The following PTPRD variants were observed in gnomAD, a reference collection of about 807,000 sequenced individuals.
PTPRD encodes receptor-type tyrosine-protein phosphatase delta.
In PTPRD, 34 loss-of-function variants were observed where a neutral mutation model predicts 214.5. That is an observed-to-expected ratio of 0.16 (90% CI 0.12 to 0.21). The LOEUF is 0.21. Among genes scored for constraint, PTPRD ranks in the 10% least tolerant of loss-of-function variants. The probability of loss-of-function intolerance (pLI) is 1.00; values close to 1 mark genes in which losing one functional copy is unlikely to be tolerated. For missense variants in PTPRD, 2,545 were observed against 2,398.7 expected (o/e 1.06, Z -1.27); for synonymous variants, 1,128 against 845.7 (o/e 1.33, Z -5.79).
chr9:8,452,197 C>A (rs1330544612), intron 33 of PTPRD, among the ~76,000 whole-genome samples: 1 of 152,168 alleles, frequency 6.6e-6, no homozygotes, highest in Non-Finnish European at 1.5e-5. Flanking sequence ...CTCCTGAAAT[C>A]CTAGTCAAAT....
At chr9:8,959,390 G>C (rs926220930) in intron 11 of PTPRD, among the ~76,000 whole-genome samples, 9 of 151,868 alleles carry the variant, frequency 5.9e-5, no homozygotes, top group African/African-American at 2.2e-4. Flanking sequence ...GAAAATAGTG[G>C]GGAAAGAAGA....
intron 12 of PTPRD, among the ~76,000 whole-genome samples, chr9:8,649,348 C>G (rs2096758417): frequency 6.6e-6 from 1 of 152,202 alleles, no homozygotes; most frequent in African/African-American, 2.4e-5. Context: ...GTTATTACCA[C>G]AACTTACAAA....
intron 8 of PTPRD, among the ~76,000 whole-genome samples, chr9:9,457,049 A>G (rs1022757669): frequency 1.3e-5 from 2 of 151,976 alleles, no homozygotes; most frequent in African/African-American, 4.8e-5. Flanking sequence ...TGTAAGGACA[A>G]TGAGTTGTCT....
At chr9:9,536,709 G>C (rs1591029009) in intron 8 of PTPRD, among the ~76,000 whole-genome samples, 1 of 152,114 alleles carries the variant, frequency 6.6e-6, no homozygotes, top group East Asian at 1.9e-4. Context: ...AGGGCTCAGT[G>C]CTGATAACAA....
intron 5 of PTPRD, among the ~76,000 whole-genome samples, chr9:9,910,591 T>C (rs1182778583): frequency 6.6e-6 from 1 of 152,044 alleles, no homozygotes; most frequent in Non-Finnish European, 1.5e-5. Flanking sequence ...TACTAAATTA[T>C]AAGTGTGTTG....
At chr9:9,234,784 G>C (rs1047188512) in intron 9 of PTPRD, among the ~76,000 whole-genome samples, 5 of 152,100 alleles carry the variant, frequency 3.3e-5, no homozygotes, top group Non-Finnish European at 7.4e-5. Context: ...CCTCAGCCTG[G>C]ACTTCATTGT....
intron 3 of PTPRD, among the ~76,000 whole-genome samples, chr9:10,097,444 G>C (rs1250914551): frequency 2.0e-5 from 3 of 150,846 alleles, no homozygotes; most frequent in East Asian, 2.0e-4. Flanking sequence ...TCCTTGAAGA[G>C]GTCCTTCACA....
Position 8,968,868 on chromosome 9 carries a change from A to G in PTPRD, c.-104+49829T>C, listed in dbSNP as rs116232778. Reference sequence around the variant, plus strand: ...ACAAAGAAAGAATGGATTTTGTAAAATAAGAATTAAAGATTTTTATTCACT... The same window carrying G: ...ACAAAGAAAGAATGGATTTTGTAAAGTAAGAATTAAAGATTTTTATTCACT... On this transcript the variant is annotated intron_variant, in intron 11 of 45. Transcript: ENST00000381196. Among the ~76,000 whole-genome samples the G allele has an allele frequency of 2.2e-3, 337 of 152,240 alleles. 3 individuals are homozygous for G. The highest frequency in any genetic ancestry group is 7.9e-3 in the African/African-American group (330 of 41,566).
chr9:9,155,855 A>C (rs1048941323), intron 10 of PTPRD, among the ~76,000 whole-genome samples: 4 of 152,094 alleles, frequency 2.6e-5, no homozygotes, highest in African/African-American at 9.7e-5. Flanking sequence ...GAACACTCTA[A>C]AATTTGAACA....
At chr9:9,893,374 C>T (rs140151302) in intron 5 of PTPRD, among the ~76,000 whole-genome samples, 1 of 152,102 alleles carries the variant, frequency 6.6e-6, no homozygotes, top group African/African-American at 2.4e-5. Context: ...ATGCTGTCTT[C>T]AAGAGACTCA....
At chr9:9,840,002 T>C (rs991664903) in intron 5 of PTPRD, among the ~76,000 whole-genome samples, 16 of 152,050 alleles carry the variant, frequency 1.1e-4, no homozygotes, top group Non-Finnish European at 1.5e-4. Flanking sequence ...TAACAGTAGT[T>C]AGAGTGATTC....
chr9:10,346,218 C>T (rs2097078739), intron 2 of PTPRD, among the ~76,000 whole-genome samples: 1 of 152,150 alleles, frequency 6.6e-6, no homozygotes, highest in Non-Finnish European at 1.5e-5. Context: ...AACATATTCC[C>T]TAGCTCTTAA....
intron 3 of PTPRD, among the ~76,000 whole-genome samples, chr9:10,084,034 C>CCTAAAAT (rs1220450627): frequency 4.0e-5 from 6 of 151,884 alleles, no homozygotes; most frequent in African/African-American, 1.5e-4. Flanking sequence ...ATTTAAACTT[C>CCTAAAAT]CTAAAATCTC....
intron 2 of PTPRD, among the ~76,000 whole-genome samples, chr9:10,577,856 T>G (rs766247265): frequency 6.6e-6 from 1 of 152,046 alleles, no homozygotes; most frequent in Non-Finnish European, 1.5e-5. Context: ...AGTTCATGTT[T>G]ATAGTACAGG....
rs1009708798 is a variant in PTPRD, at chr9:9,043,203, G to A, written c.-142-24468C>T. Among the ~76,000 whole-genome samples, 5 of 152,184 alleles carry A rather than the reference G, an allele frequency of 3.3e-5. No individual in the cohort carries two copies. In the East Asian group the frequency reaches 5.8e-4, roughly 18 times the overall value. ...TGTATCCTAGCAGAGGAAAGCTCTG[G>A]CATCATTCTGTGTTGTTGGAAAACT... On this transcript the variant is annotated intron_variant, in intron 10 of 45. Transcript: ENST00000381196.
intron 9 of PTPRD, among the ~76,000 whole-genome samples, chr9:9,316,879 C>G (rs1963468771): frequency 6.6e-6 from 1 of 152,124 alleles, no homozygotes; most frequent in African/African-American, 2.4e-5. Context: ...AAACTCTTGT[C>G]TCTTCACTGA....
intron 9 of PTPRD, among the ~76,000 whole-genome samples, chr9:9,189,966 C>G (rs866913975): frequency 6.6e-6 from 1 of 151,946 alleles, no homozygotes; most frequent in South Asian, 2.1e-4. Context: ...ACTTTAATAG[C>G]CAGTGATAAT....
At chr9:8,370,573 T>TA (rs570424952) in intron 39 of PTPRD, among the ~76,000 whole-genome samples, 1 of 152,214 alleles carries the variant, frequency 6.6e-6, no homozygotes, top group East Asian at 1.9e-4. Context: ...TTCCAGTGAT[T>TA]AAAGAATGGA....
intron 12 of PTPRD, among the ~76,000 whole-genome samples, chr9:8,720,357 C>A (rs2098479370): frequency 6.6e-6 from 1 of 152,198 alleles, no homozygotes; most frequent in East Asian, 1.9e-4. Flanking sequence ...GGGCCAGGCC[C>A]AGAGCTGGTG....
Sources: gnomAD v4.1 joint callset for allele counts (sites outside exome capture counted in the v4.1 genomes callset) on GRCh38, gnomAD v4.1.1 for gene constraint, MANE v1.5 for transcripts, NCBI Gene and HGNC (gene_info 2026-07-23, HGNC 2026-07-21) for gene names.